The following HCN1 variants were observed in gnomAD, a reference collection of about 807,000 sequenced individuals.
The protein encoded by HCN1 is hyperpolarization activated cyclic nucleotide gated potassium channel 1, also known as potassium/sodium hyperpolarization-activated cyclic nucleotide-gated channel 1.
In HCN1, 13 loss-of-function variants were observed where a neutral mutation model predicts 78.9. That is an observed-to-expected ratio of 0.16 (90% confidence interval 0.11 to 0.26). The LOEUF (loss-of-function observed/expected upper bound fraction) is 0.26. HCN1 is among the 10% of genes least tolerant of loss of function. The probability of loss-of-function intolerance (pLI) is 1.00; values close to 1 mark genes in which losing one functional copy is unlikely to be tolerated. For synonymous variants in HCN1, 552 were observed against 455.5 expected (o/e 1.21, Z -2.70); for missense variants, 810 against 1,154.3 (o/e 0.70, Z 4.32).
At chr5:45,649,016 T>G (rs1476702242) in intron 1 of HCN1, among the ~76,000 whole-genome samples, 1 of 151,940 alleles carries the variant, frequency 6.6e-6, no homozygotes, top group Non-Finnish European at 1.5e-5. Flanking sequence ...ATCCCCCTCT[T>G]TTAACAACTG....
At chr5:45,527,055 TTCTCTC>T (rs142451723) in intron 2 of HCN1, among the ~76,000 whole-genome samples, 2 of 129,092 alleles carry the variant, frequency 1.5e-5, no homozygotes, top group Non-Finnish European at 3.3e-5. Flanking sequence ...TTCTCCCTCT[TTCTCTC>T]TCTCTCTCTC....
At chr5:45,504,498 G>A (rs1023439628) in intron 2 of HCN1, among the ~76,000 whole-genome samples, 1 of 152,062 alleles carries the variant, frequency 6.6e-6, no homozygotes, top group Admixed American at 6.6e-5. Context: ...CCAGTCTATT[G>A]TTGATGGACA....
intron 1 of HCN1, among the ~76,000 whole-genome samples, chr5:45,681,428 C>T (rs1739700427): frequency 6.6e-6 from 1 of 151,902 alleles, no homozygotes; most frequent in Admixed American, 6.6e-5. Flanking sequence ...AAAATCATGT[C>T]AACTTCAATT....
intron 2 of HCN1, among the ~76,000 whole-genome samples, chr5:45,621,720 A>G (rs1745065614): frequency 6.6e-6 from 1 of 152,198 alleles, no homozygotes; most frequent in Non-Finnish European, 1.5e-5. Flanking sequence ...TACCACATAA[A>G]TACAAACCTT....
At chr5:45,288,979 C>T (rs1745320660) in intron 6 of HCN1, among the ~76,000 whole-genome samples, 1 of 152,150 alleles carries the variant, frequency 6.6e-6, no homozygotes, top group South Asian at 2.1e-4. Context: ...CACAAAGTAA[C>T]CGCAGGACAT....
intron 1 of HCN1, among the ~76,000 whole-genome samples, chr5:45,653,841 G>A (rs1745720602): frequency 6.6e-6 from 1 of 152,000 alleles, no homozygotes; most frequent in Non-Finnish European, 1.5e-5. Context: ...AGTGGGTGCA[G>A]CGCACCAGCA....
At chr5:45,617,717 C>T (rs1173629596) in intron 2 of HCN1, among the ~76,000 whole-genome samples, 1 of 151,996 alleles carries the variant, frequency 6.6e-6, no homozygotes, top group Non-Finnish European at 1.5e-5. Context: ...TGAGAAAATG[C>T]AGATGACAAA....
intron 4 of HCN1, among the ~76,000 whole-genome samples, chr5:45,383,772 T>C (rs890832087): frequency 7.2e-5 from 11 of 151,942 alleles, no homozygotes; most frequent in African/African-American, 2.7e-4. Context: ...CTTTAATTAA[T>C]CAAAAATAAC....
intron 2 of HCN1, among the ~76,000 whole-genome samples, chr5:45,619,214 T>C (rs1046265292): frequency 6.6e-6 from 1 of 152,096 alleles, no homozygotes; most frequent in African/African-American, 2.4e-5. Flanking sequence ...TCGTTTAAAA[T>C]TGCTTCCATT....
chr5:45,614,433 G>A (rs986878803), intron 2 of HCN1, among the ~76,000 whole-genome samples: 2 of 152,198 alleles, frequency 1.3e-5, no homozygotes, highest in African/African-American at 4.8e-5. Flanking sequence ...ATTTTGTAAT[G>A]CTGGTGGCAG....
In HCN1 at chr5:45,478,850, G is replaced by A. The variant is rs1440080575; in HGVS notation, c.850-16843C>T. Among the ~76,000 whole-genome samples, 10 of 152,270 alleles carry A rather than the reference G, an allele frequency of 6.6e-5. 1 individual carries two copies. The highest frequency in any genetic ancestry group is 2.1e-4 in the South Asian group (1 of 4,828). On this transcript the variant is annotated intron_variant, in intron 2 of 7. Transcript: ENST00000303230. The stretch of plus-strand genomic sequence containing the variant: ...AAGAATAAGCTGAAGAAGGCAGGGC[G>A]TGGTGGCTCAAGCCTGTAATCCCAA...
intron 5 of HCN1, among the ~76,000 whole-genome samples, chr5:45,305,592 G>T (rs996736674): frequency 6.6e-6 from 1 of 151,916 alleles, no homozygotes. Flanking sequence ...TGGAGTGTGG[G>T]TCTATAACAA....
At chr5:45,524,121 C>T (rs552170231) in intron 2 of HCN1, among the ~76,000 whole-genome samples, 1 of 152,250 alleles carries the variant, frequency 6.6e-6, no homozygotes, top group African/African-American at 2.4e-5. Context: ...ATAGGGAATC[C>T]TTTCGCCATT....
chr5:45,359,735 C>CATAG (rs963882873), intron 4 of HCN1, among the ~76,000 whole-genome samples: 3 of 151,768 alleles, frequency 2.0e-5, no homozygotes, highest in African/African-American at 7.2e-5. Flanking sequence ...AGATGAAAGG[C>CATAG]ATAGACCTTC....
intron 4 of HCN1, among the ~76,000 whole-genome samples, chr5:45,357,872 C>T (rs1233723416): frequency 6.6e-6 from 1 of 152,014 alleles, no homozygotes; most frequent in Admixed American, 6.6e-5. Flanking sequence ...TTATGCCCTC[C>T]CTCAGGCGTG....
At chr5:45,322,323 A>G in intron 5 of HCN1, among the ~76,000 whole-genome samples, 1 of 151,916 alleles carries the variant, frequency 6.6e-6, no homozygotes, top group South Asian at 2.1e-4. Flanking sequence ...CTTTTCTTAG[A>G]TTTTTTAAAG....
intron 6 of HCN1, among the ~76,000 whole-genome samples, chr5:45,284,716 T>TGCCC (rs1745233628): frequency 6.6e-6 from 1 of 152,126 alleles, no homozygotes; most frequent in Non-Finnish European, 1.5e-5. Context: ...TTAATTGTTG[T>TGCCC]GTAAATGTTA....
intron 2 of HCN1, among the ~76,000 whole-genome samples, chr5:45,568,458 G>T (rs532568041): frequency 1.3e-5 from 2 of 151,944 alleles, no homozygotes; most frequent in Non-Finnish European, 2.9e-5. Flanking sequence ...CCAGAATAAC[G>T]CTCTGTGCCT....
intron 2 of HCN1, among the ~76,000 whole-genome samples, chr5:45,510,455 G>C (rs1742391769): frequency 6.6e-6 from 1 of 152,014 alleles, no homozygotes. Flanking sequence ...TCCTACTATA[G>C]AGTCCGGCTC....
Sources: gnomAD v4.1 joint callset for allele counts (sites outside exome capture counted in the v4.1 genomes callset) on GRCh38, gnomAD v4.1.1 for gene constraint, MANE v1.5 for transcripts, NCBI Gene and HGNC (gene_info 2026-07-23, HGNC 2026-07-21) for gene names.